ADAMTS9: variants seen among roughly 807,000 people sequenced by gnomAD.
ADAMTS9 encodes the protein A disintegrin and metalloproteinase with thrombospondin motifs 9.
A neutral mutation model predicts 257.1 loss-of-function variants in ADAMTS9; 107 were observed. The ratio of observed to expected loss-of-function variants is 0.42; its 90% CI spans 0.36 to 0.49. The LOEUF (loss-of-function observed/expected upper bound fraction) is 0.49. Among genes scored for constraint, ADAMTS9 ranks in the 20% least tolerant of loss-of-function variants. The pLI is 0.03. For missense variants in ADAMTS9, 2,353 were observed against 2,469.1 expected, an observed-to-expected ratio of 0.95 and a Z score of 1.00; for synonymous variants, 982 against 880.9, an observed-to-expected ratio of 1.11 and a Z score of -2.03.
At position 64,613,358 on chromosome 3, in the gene ADAMTS9, C is replaced by A. The variant is rs187499108; in HGVS notation, c.3341G>T (p.Gly1114Val). ...QQPECASWQAGPWGQCSVTCG... is the reference protein window; with the variant it reads ...QQPECASWQAVPWGQCSVTCG... ...CGTTCAAAATACCTGTCCCCAGGGA[C>A]CCGCCTGCCAGGATGCACATTCCGG... is the stretch of plus-strand genomic sequence containing the variant. Residue 1114 changes from glycine (G) to valine (V), a missense_variant, in exon 22 of 40, where the codon GGT (glycine) becomes GTT (valine). By Grantham distance (109) the Gly-to-Val change is moderately radical. This residue lies in a region of ADAMTS9 where 1,402 missense variants were observed against 1,441.4 expected (regional missense o/e 0.97). Transcript: ENST00000498707. 52 of 1,613,510 alleles carry A rather than the reference C, an allele frequency of 3.2e-5. No individual in the cohort carries two copies. Among genetic ancestry groups the A allele is most frequent in the Non-Finnish European group, 3.5e-5 (41 of 1,179,734 alleles).
chr3:64,665,426 C>T (rs9874777), intron 3 of ADAMTS9, among the ~76,000 whole-genome samples: 4,418 of 152,268 alleles, frequency 0.029, 119 homozygotes, highest in East Asian at 0.12. Flanking sequence ...AGAACAGTAC[C>T]TATTTCATAG....
rs764155387 is a variant in ADAMTS9, at chr3:64,647,977, G to T, written c.1673C>A (p.Thr558Lys). The change falls in exon 11 of 40, where the codon ACA becomes AAA. Residue 558 changes from threonine (T) to lysine (K), a missense_variant. This residue lies in a region of ADAMTS9 where 360 missense variants were observed against 458.1 expected (regional missense o/e 0.79). Coordinates refer to ENST00000498707, the MANE Select transcript of ADAMTS9 (RefSeq NM_182920.2). ...GVHKGCRTQH[T>K]PWADGTECEP... ...GCACTCCGTCCCATCGGCCCAGGGT[G>T]TGTGCTGAGTCCGGCAGCCTTTGTG... is the stretch of plus-strand genomic sequence containing the variant. 1 of 1,613,932 alleles carries T rather than the reference G, an allele frequency of 6.2e-7. No individual in the cohort carries two copies.
chr3:64,541,004 C>T, intron 36 of ADAMTS9, 91 bp downstream of exon 36: 1 of 1,534,142 alleles, frequency 6.5e-7, no homozygotes, highest in Non-Finnish European at 8.9e-7. Context: ...GTGCAATACG[C>T]ACCTCCCTGC....
At chr3:64,647,567 C>T (rs1700828744) in intron 11 of ADAMTS9, among the ~76,000 whole-genome samples, 1 of 152,158 alleles carries the variant, frequency 6.6e-6, no homozygotes, top group Admixed American at 6.5e-5. Context: ...CTAAACTGTT[C>T]CATCAACTTA....
chr3:64,614,574 C>T (rs1474971765), intron 21 of ADAMTS9, among the ~76,000 whole-genome samples: 6 of 152,188 alleles, frequency 3.9e-5, no homozygotes, highest in Non-Finnish European at 8.8e-5. Flanking sequence ...ACTTCTGTTT[C>T]GTATTTCTTA....
chr3:64,549,808 C>T lies in ADAMTS9; in HGVS notation c.4869+1084G>A, dbSNP rs77677543. ...CTCTAGACACTGCCAAATGTCCCCT[C>T]GAAGGACAAAATTCACAGGAATAAA... On this transcript the variant is annotated intron_variant, in intron 31 of 39. Coordinates refer to ENST00000498707, the MANE Select transcript of ADAMTS9 (RefSeq NM_182920.2). 1.3e-3 allele frequency among the ~76,000 whole-genome samples: 200 copies of T among 152,246 alleles called. 2 individuals are homozygous for T. The East Asian group carries it at 0.022, about 17-fold the overall frequency.
intron 28 of ADAMTS9, among the ~76,000 whole-genome samples, chr3:64,575,574 TG>T (rs1212476080): frequency 1.3e-5 from 2 of 152,046 alleles, no homozygotes; most frequent in Non-Finnish European, 2.9e-5. Flanking sequence ...AAATGGCAGC[TG>T]GGGTGGTGGG....
At chr3:64,547,829 T>A (rs1417818192) in intron 31 of ADAMTS9, among the ~76,000 whole-genome samples, 1 of 152,082 alleles carries the variant, frequency 6.6e-6, no homozygotes, top group East Asian at 1.9e-4. Flanking sequence ...ATCGTTATAG[T>A]GTCCCAACTT....
At chr3:64,618,626 G>C (rs1700025696) in intron 19 of ADAMTS9, among the ~76,000 whole-genome samples, 1 of 152,058 alleles carries the variant, frequency 6.6e-6, no homozygotes, top group African/African-American at 2.4e-5. Flanking sequence ...TATTTCACTG[G>C]GATATTTGGG....
chr3:64,568,864 A>G (rs2083607803), intron 28 of ADAMTS9: 1 of 239,348 alleles, frequency 4.2e-6, no homozygotes, highest in South Asian at 6.7e-5. Flanking sequence ...CCTACTATGA[A>G]ATAGTGATAT....
Position 64,604,263 on chromosome 3 carries a change from T to G in ADAMTS9, c.3543A>C (p.Ala1181=). The change falls in exon 24 of 40, where the codon GCA becomes GCC. Residue 1181 remains alanine, a synonymous_variant. Transcript: ENST00000498707. ...ACCCAAATCGCCACTGGGTTCTTGG[T>G]GCACTGTATGTGCTTCTCCTCGTTT... The part of the protein sequence containing the change: ...APETRRSTYS[A]PRTQWRFGSW... 2 of 1,613,816 alleles carry G rather than the reference T, an allele frequency of 1.2e-6. No individual in the cohort carries two copies. The highest frequency in any genetic ancestry group is 1.7e-6 in the Non-Finnish European group (2 of 1,179,866).
intron 8 of ADAMTS9, among the ~76,000 whole-genome samples, chr3:64,652,533 C>A (rs1314411959): frequency 1.3e-5 from 2 of 152,118 alleles, no homozygotes; most frequent in African/African-American, 4.8e-5. Flanking sequence ...TATTTCCCAT[C>A]CCCAGATGAG....
intron 19 of ADAMTS9, among the ~76,000 whole-genome samples, chr3:64,619,845 C>A (rs72890823): frequency 0.058 from 8,755 of 152,002 alleles, 741 homozygotes; most frequent in African/African-American, 0.19. Context: ...ATTTTTTTCC[C>A]CAAACTGTAG....
intron 29 of ADAMTS9, among the ~76,000 whole-genome samples, chr3:64,566,354 A>G (rs2083545830): frequency 6.6e-6 from 1 of 152,166 alleles, no homozygotes. Context: ...TTTCTTATTT[A>G]TTTCTACAAA....
At chr3:64,551,823 C>T (rs944702918) in intron 30 of ADAMTS9, among the ~76,000 whole-genome samples, 7 of 152,262 alleles carry the variant, frequency 4.6e-5, no homozygotes, top group Non-Finnish European at 8.8e-5. Flanking sequence ...TTTTCCATTC[C>T]AGGAAAGCAT....
intron 21 of ADAMTS9, 90 bp downstream of exon 21, chr3:64,615,231 G>A: frequency 7.0e-7 from 1 of 1,425,210 alleles, no homozygotes. Context: ...TGGGAGAAAG[G>A]TGCACAAGGG....
At chr3:64,650,400 G>A (rs1294950503) in intron 9 of ADAMTS9, 1 of 152,516 alleles carries the variant, frequency 6.6e-6, no homozygotes, top group African/African-American at 2.4e-5. Context: ...TGAGCGAGAA[G>A]AGCAATAAAT....
intron 22 of ADAMTS9, among the ~76,000 whole-genome samples, chr3:64,607,845 T>C (rs1368303765): frequency 6.6e-6 from 1 of 152,126 alleles, no homozygotes; most frequent in Non-Finnish European, 1.5e-5. Context: ...CACTACATAT[T>C]CCTCTCAAAC....
chr3:64,601,079 A>C (rs542415503), intron 26 of ADAMTS9, among the ~76,000 whole-genome samples: 1 of 152,294 alleles, frequency 6.6e-6, no homozygotes, highest in South Asian at 2.1e-4. Flanking sequence ...TTATTTAGTA[A>C]AAACTTCAAA....
Sources: allele counts gnomAD v4.1 joint callset (sites outside exome capture counted in the v4.1 genomes callset), GRCh38; gene constraint gnomAD v4.1.1; regional missense constraint gnomAD v4.1.1; transcripts MANE v1.5; gene names NCBI Gene and HGNC (gene_info 2026-07-23, HGNC 2026-07-21).